Variants in KCNQ2 observed in about 807,000 individuals in gnomAD.
The protein encoded by KCNQ2 is potassium voltage-gated channel subfamily KQT member 2.
Under a neutral mutation model 84.8 loss-of-function variants are expected in KCNQ2, and 14 were observed. That is an observed-to-expected ratio of 0.17 (90% CI 0.11 to 0.26). KCNQ2 has a LOEUF of 0.26. Ranked by LOEUF, KCNQ2 falls within the 10% of genes least tolerant of loss-of-function variation. KCNQ2 has a pLI of 1.00. For synonymous variants in KCNQ2, 599 were observed against 554.1 expected (o/e 1.08, Z -1.14); for missense variants, 788 against 1,254.0 (o/e 0.63, Z 5.61).
intron 1 of KCNQ2, among the ~76,000 whole-genome samples, chr20:63,447,666 C>T (rs1327483450): frequency 6.6e-6 from 1 of 152,164 alleles, no homozygotes; most frequent in Non-Finnish European, 1.5e-5. Flanking sequence ...GTGATCTTGG[C>T]TCGCTGCAAC....
At chr20:63,470,640 G>A (rs2082193965) in intron 1 of KCNQ2, among the ~76,000 whole-genome samples, 1 of 152,220 alleles carries the variant, frequency 6.6e-6, no homozygotes, top group African/African-American at 2.4e-5. Context: ...CGCAGAGCGG[G>A]GCGCTGGCCA....
Position 63,401,530 on chromosome 20 carries a change from C to G in KCNQ2, c.*5114G>C, listed in dbSNP as rs2079808301. On this transcript the variant is annotated 3_prime_UTR_variant, in exon 17 of 17. Transcript: ENST00000359125. ...CTGGGGCCGAGGTGGAGACTGCGCG[C>G]TGGGTGGGAATGCAGGATGGCTGCC... is the stretch of plus-strand genomic sequence containing the variant. The G allele has an allele frequency of 6.6e-6, 1 of 152,432 alleles. No homozygotes were observed. Among genetic ancestry groups the G allele is most frequent in the Non-Finnish European group, 1.5e-5 (1 of 68,186 alleles). 9.4% of individuals were successfully genotyped at this position (152,432 alleles called of 1,614,324 possible).
chr20:63,443,097 C>T (rs1180962605), intron 4 of KCNQ2, among the ~76,000 whole-genome samples: 6 of 30,186 alleles, frequency 2.0e-4, no homozygotes, highest in African/African-American at 6.6e-4. Context: ...TTATCACCAC[C>T]ATCACCATCA....
At position 63,407,079 on chromosome 20, in the gene KCNQ2, G is replaced by A. The variant is rs745409657; in HGVS notation, c.2184C>T (p.His728=). 2.9e-5 allele frequency: 45 copies of A among 1,529,962 alleles called. No homozygotes were observed. Among genetic ancestry groups the A allele is most frequent in the Non-Finnish European group, 3.6e-5 (41 of 1,140,226 alleles). 94.8% of individuals were successfully genotyped at this position (1,529,962 alleles called of 1,614,324 possible). A position where few individuals can be genotyped will look rare whatever the true frequency, so the allele number is the denominator to read the frequency against. Residue 728 remains histidine, a synonymous_variant, in exon 17 of 17, where the codon CAC becomes CAT. Coordinates refer to ENST00000359125, the MANE Select transcript of KCNQ2 (RefSeq NM_172107.4). This position sits in a 1 kb window ranked among gnomAD's most constrained non-coding sequence, Gnocchi z 7.2. ...CGTGGTCCCCCACGGGGGAGGTGCC[G>A]TGGCCCTGGCGCGGGTGGCTCTGTG... ...WQPQSHPRQG[H]GTSPVGDHGS...
rs775281627 is a variant in KCNQ2, at chr20:63,438,585, A to G, written c.1023+40T>C. ...CACTCCTCAACAAGGTGGGACCAGG[A>G]CAAGGGCTGTGCTGGTCCCCGGGGG... On this transcript the variant is annotated intron_variant, in intron 7 of 16. Transcript: ENST00000359125. This position sits in a 1 kb window ranked among gnomAD's most constrained non-coding sequence, Gnocchi z 5.1. 2.7e-5 allele frequency: 43 copies of G among 1,566,722 alleles called. No homozygotes were observed. The highest frequency in any genetic ancestry group is 3.5e-5 in the Non-Finnish European group (40 of 1,138,204).
Position 63,413,519 on chromosome 20 carries a change from A to C in KCNQ2, c.1694T>G (p.Met565Arg). 2 of 1,613,562 alleles carry C rather than the reference A, an allele frequency of 1.2e-6. No individual in the cohort carries two copies. The highest frequency in any genetic ancestry group is 1.7e-6 in the Non-Finnish European group (2 of 1,180,018). Residue 565 changes from methionine (M) to arginine (R), a missense_variant, in exon 15 of 17, where the codon ATG (methionine) becomes AGG (arginine). Coordinates refer to ENST00000359125, the MANE Select transcript of KCNQ2 (RefSeq NM_172107.4). The part of the protein sequence containing the change: ...FKESLRPYDV[M>R]DVIEQYSAGH... ...GGCTGAGTACTGCTCGATGACGTCC[A>C]TCACGTCGTAGGGCCGCAGGCTCTC...
chr20:63,432,635 A>G (rs1305609883), intron 8 of KCNQ2, among the ~76,000 whole-genome samples: 1 of 148,830 alleles, frequency 6.7e-6, no homozygotes, highest in Admixed American at 6.6e-5. Flanking sequence ...CCCTCTGGGA[A>G]GGCCCCACCC....
At chr20:63,451,213 A>G (rs983703620) in intron 1 of KCNQ2, among the ~76,000 whole-genome samples, 1 of 151,644 alleles carries the variant, frequency 6.6e-6, no homozygotes, top group African/African-American at 2.4e-5. Context: ...CACACAAGCC[A>G]GTCCTCCGTG....
Position 63,403,543 on chromosome 20 carries a change from G to C in KCNQ2, c.*3101C>G, listed in dbSNP as rs896842892. 6.6e-6 allele frequency: 1 copy of C among 152,340 alleles called. No individual in the cohort carries two copies. Among genetic ancestry groups the C allele is most frequent in the Non-Finnish European group, 1.5e-5 (1 of 68,128 alleles). 9.4% of individuals were successfully genotyped at this position (152,340 alleles called of 1,614,324 possible). On this transcript the variant is annotated 3_prime_UTR_variant, in exon 17 of 17. Transcript: ENST00000359125. ...GTGTGTGGTCTGTGCACTTGTGTAT[G>C]TGTATACTGTGTGTGAGCTACACGT...
Position 63,425,723 on chromosome 20 carries a change from GA to G in KCNQ2, c.1218-1518del, listed in dbSNP as rs955215343. On this transcript the variant is annotated intron_variant, in intron 10 of 16. Coordinates refer to ENST00000359125, the MANE Select transcript of KCNQ2 (RefSeq NM_172107.4). The surrounding 1 kb of genome is among the most constrained non-coding windows in gnomAD (Gnocchi z 5.5). ...TGACGCAGGGAGACTCCGTCTCAGA[GA>G]AAAAAAAAAGAAATCCCACCCATTC... Among the ~76,000 whole-genome samples the G allele has an allele frequency of 2.7e-5, 4 of 147,436 alleles. No homozygotes were observed. The highest frequency in any genetic ancestry group is 1.4e-4 in the Admixed American group (2 of 14,814).
rs2080232582 is a variant in KCNQ2, at chr20:63,414,805, G to A, written c.1525+98C>T. On this transcript the variant is annotated intron_variant, in intron 13 of 16. Coordinates refer to ENST00000359125, the MANE Select transcript of KCNQ2 (RefSeq NM_172107.4). The surrounding 1 kb of genome is among the most constrained non-coding windows in gnomAD (Gnocchi z 6.6). ...TAGGGGGTTCCCACTCCAAGAGCAA[G>A]CAAAAGCAGCTGCGACGCCACAGGG... 4.2e-6 allele frequency: 5 copies of A among 1,198,178 alleles called. No homozygotes were observed. Among genetic ancestry groups the A allele is most frequent in the Non-Finnish European group, 6.2e-6 (5 of 808,810 alleles). The allele number at this position is 1,198,178 out of a possible 1,614,324, so 74.2% of individuals were successfully genotyped here.
intron 8 of KCNQ2, among the ~76,000 whole-genome samples, chr20:63,432,514 C>A (rs1247354003): frequency 1.5e-4 from 22 of 145,042 alleles, no homozygotes; most frequent in Non-Finnish European, 3.0e-4. Context: ...AGGGAAGGAT[C>A]CACCCACAGG....
rs762910638 is a variant in KCNQ2 at position 63,406,658 on chromosome 20, C to T, written c.2605G>A (p.Gly869Arg). 1.9e-5 allele frequency: 30 copies of T among 1,593,502 alleles called. No homozygotes were observed. Among genetic ancestry groups the T allele is most frequent in the African/African-American group, 2.7e-5 (2 of 74,654 alleles). The change falls in exon 17 of 17, where the codon GGG becomes AGG. Residue 869 changes from glycine (G) to arginine (R), a missense_variant. Gly to Arg is a moderately radical substitution (Grantham distance 125). Transcript: ENST00000359125. The part of the protein sequence containing the change: ...EGPFGDVGWA[G>R]PRK ...CCAGCGCCGCCTCACTTCCTGGGCCCGGCCCAGCCCACGTCACCAAAGGGA... is the reference window on the plus strand; with the variant it reads ...CCAGCGCCGCCTCACTTCCTGGGCCTGGCCCAGCCCACGTCACCAAAGGGA...
chr20:63,451,323 T>C (rs1160122701), intron 1 of KCNQ2, among the ~76,000 whole-genome samples: 1 of 152,026 alleles, frequency 6.6e-6, no homozygotes, highest in African/African-American at 2.4e-5. Flanking sequence ...CCCTCTGTCT[T>C]GTGTCTTTTT....
chr20:63,451,775 C>T lies in KCNQ2; in HGVS notation c.297-4938G>A, dbSNP rs190710374. ...GGCCAGCATGGCCCCCTGCAGCCCC[C>T]CTCCCACTCGCTGGAGACCCCCAAG... On this transcript the variant is annotated intron_variant, in intron 1 of 16. Coordinates refer to ENST00000359125, the MANE Select transcript of KCNQ2 (RefSeq NM_172107.4). Among the ~76,000 whole-genome samples the T allele has an allele frequency of 2.8e-3, 419 of 152,294 alleles. 5 individuals are homozygous for T. The highest frequency in any genetic ancestry group is 0.024 in the Middle Eastern group (7 of 294).
intron 7 of KCNQ2, chr20:63,437,464 G>A (rs1486936128): frequency 6.6e-6 from 1 of 152,240 alleles, no homozygotes; most frequent in African/African-American, 2.4e-5. Flanking sequence ...CCTTAAGGTA[G>A]GCTGGACCCA....
Position 63,445,326 on chromosome 20 carries a change from G to GA in KCNQ2, c.425dup (p.Val143ArgfsTer30). The GA allele has an allele frequency of 6.2e-7, 1 of 1,613,872 alleles. No individual in the cohort carries two copies. On this transcript the variant is annotated frameshift_variant, in exon 3 of 17. Coordinates refer to ENST00000359125, the MANE Select transcript of KCNQ2 (RefSeq NM_172107.4). LOFTEE classifies it high-confidence loss of function. ...AGCAGCCTGCGGCCCAGATCCGCAC[G>GA]AAGTACTCCACGCCAAACACCACGA...
intron 1 of KCNQ2, among the ~76,000 whole-genome samples, chr20:63,449,704 C>G (rs1305492345): frequency 1.3e-5 from 2 of 152,162 alleles, no homozygotes; most frequent in South Asian, 4.1e-4. Context: ...GAGGGAAAAG[C>G]CCCAGCGTCT....
chr20:63,407,307 CG>C lies in KCNQ2; in HGVS notation c.1955del (p.Pro652ArgfsTer278). On this transcript the variant is annotated frameshift_variant, in exon 17 of 17. Transcript: ENST00000359125. LOFTEE classifies it low-confidence loss of function (END_TRUNC). The surrounding 1 kb of genome is among the most constrained non-coding windows in gnomAD (Gnocchi z 7.2). ...NIYMQRMGIP[P>X]TETEAYFGAK... ...CCCCAAAGTAGGCCTCGGTCTCTGTCGGGGGGATGCCCATCCGCTGCATGTA... is the reference window on the plus strand; with the variant it reads ...CCCCAAAGTAGGCCTCGGTCTCTGTCGGGGGATGCCCATCCGCTGCATGTA... 1.9e-6 allele frequency: 3 copies of C among 1,596,332 alleles called. No homozygotes were observed. The highest frequency in any genetic ancestry group is 2.5e-6 in the Non-Finnish European group (3 of 1,178,082).
Sources: allele counts gnomAD v4.1 joint callset (sites outside exome capture counted in the v4.1 genomes callset), GRCh38; gene constraint gnomAD v4.1.1; non-coding constraint Gnocchi (gnomAD v3.1); transcripts MANE v1.5; gene names NCBI Gene and HGNC (gene_info 2026-07-23, HGNC 2026-07-21).